ST6GALNAC3: variants seen among roughly 807,000 people sequenced by gnomAD.
ST6GALNAC3 encodes the protein alpha-N-acetylgalactosaminide alpha-2,6-sialyltransferase 3.
Under a neutral mutation model 32.7 loss-of-function variants are expected in ST6GALNAC3, and 25 were observed. The observed-to-expected ratio is 0.76, with a 90% confidence interval of 0.56 to 1.07. The LOEUF is 1.07. Among genes scored for constraint, ST6GALNAC3 ranks in the 50% least tolerant of loss-of-function variants. The pLI, the probability that ST6GALNAC3 is intolerant of heterozygous loss-of-function variation, is 0.00. For synonymous variants in ST6GALNAC3, 129 were observed against 133.1 expected (o/e 0.97, Z 0.21); for missense variants, 355 against 382.4 (o/e 0.93, Z 0.60).
At chr1:76,392,014 T>C (rs564198944) in intron 2 of ST6GALNAC3, among the ~76,000 whole-genome samples, 12 of 152,360 alleles carry the variant, frequency 7.9e-5, no homozygotes, top group African/African-American at 2.6e-4. Flanking sequence ...CTTAGCACTA[T>C]TGACATTTTG....
chr1:76,411,105 G>C (rs1654205607), intron 2 of ST6GALNAC3, among the ~76,000 whole-genome samples: 1 of 152,134 alleles, frequency 6.6e-6, no homozygotes, highest in Non-Finnish European at 1.5e-5. Context: ...TTAAAAGAAA[G>C]GGTGACTATG....
At chr1:76,164,490 GT>G (rs1652004046) in intron 1 of ST6GALNAC3, among the ~76,000 whole-genome samples, 1 of 152,046 alleles carries the variant, frequency 6.6e-6, no homozygotes, top group African/African-American at 2.4e-5. Context: ...AAAATACTCT[GT>G]TTTTTACATT....
intron 1 of ST6GALNAC3, among the ~76,000 whole-genome samples, chr1:76,125,803 A>C (rs1445479950): frequency 1.3e-5 from 2 of 152,110 alleles, no homozygotes; most frequent in East Asian, 1.9e-4. Flanking sequence ...GATCTCCTTC[A>C]TCCTGATGCA....
chr1:76,464,049 C>T (rs1033119969), intron 3 of ST6GALNAC3, among the ~76,000 whole-genome samples: 1 of 152,072 alleles, frequency 6.6e-6, no homozygotes, highest in Non-Finnish European at 1.5e-5. Context: ...CCTAGCTTGC[C>T]CTCCTTTCCC....
intron 1 of ST6GALNAC3, among the ~76,000 whole-genome samples, chr1:76,082,896 T>G (rs1290828653): frequency 6.6e-6 from 1 of 151,900 alleles, no homozygotes; most frequent in Admixed American, 6.6e-5. Context: ...TTTAAAGGTG[T>G]GTTTCTCTGT....
chr1:76,282,875 A>C (rs1277564865), intron 1 of ST6GALNAC3, among the ~76,000 whole-genome samples: 1 of 151,572 alleles, frequency 6.6e-6, no homozygotes, highest in Non-Finnish European at 1.5e-5. Context: ...CTAAAAAAAA[A>C]AAAAAATTCA....
chr1:76,592,877 C>G (rs1647070579), intron 3 of ST6GALNAC3, among the ~76,000 whole-genome samples: 1 of 152,150 alleles, frequency 6.6e-6, no homozygotes, highest in African/African-American at 2.4e-5. Context: ...CCTTACATAA[C>G]TTGGAATGGT....
chr1:76,141,074 G>A (rs902726066), intron 1 of ST6GALNAC3, among the ~76,000 whole-genome samples: 1 of 152,070 alleles, frequency 6.6e-6, no homozygotes, highest in Non-Finnish European at 1.5e-5. Context: ...TGGAGACTTG[G>A]TTTCCATGCA....
chr1:76,483,732 C>T (rs948078037), intron 3 of ST6GALNAC3, among the ~76,000 whole-genome samples: 4 of 152,088 alleles, frequency 2.6e-5, no homozygotes, highest in Non-Finnish European at 5.9e-5. Context: ...TTAATTAGAT[C>T]CTATTTGTCA....
chr1:76,389,313 A>G (rs1230741529), intron 2 of ST6GALNAC3, among the ~76,000 whole-genome samples: 1 of 152,144 alleles, frequency 6.6e-6, no homozygotes, highest in Non-Finnish European at 1.5e-5. Flanking sequence ...AAATGTAAAG[A>G]AATTAAGTGT....
At chr1:76,389,333 C>G (rs1205254022) in intron 2 of ST6GALNAC3, among the ~76,000 whole-genome samples, 1 of 152,118 alleles carries the variant, frequency 6.6e-6, no homozygotes, top group African/African-American at 2.4e-5. Flanking sequence ...TGGAGGCTGA[C>G]CATGACTGAG....
chr1:76,435,851 C>CT (rs1278876933), intron 3 of ST6GALNAC3, among the ~76,000 whole-genome samples: 1 of 120,118 alleles, frequency 8.3e-6, no homozygotes, highest in South Asian at 2.5e-4. Context: ...TCAATCTTTT[C>CT]TTTTTTTATT....
At chr1:76,443,461 C>G (rs371521349) in intron 3 of ST6GALNAC3, among the ~76,000 whole-genome samples, 1 of 152,200 alleles carries the variant, frequency 6.6e-6, no homozygotes, top group Non-Finnish European at 1.5e-5. Context: ...AGGACGCTAT[C>G]GGTTCATTCA....
chr1:76,414,327 G>A (rs1346590969), intron 3 of ST6GALNAC3, among the ~76,000 whole-genome samples: 1 of 152,044 alleles, frequency 6.6e-6, no homozygotes, highest in African/African-American at 2.4e-5. Context: ...GTCTATTTCT[G>A]TCTGGTTGCT....
intron 2 of ST6GALNAC3, among the ~76,000 whole-genome samples, chr1:76,411,195 CTTAGAG>C (rs1458718122): frequency 6.6e-6 from 1 of 152,102 alleles, no homozygotes; most frequent in Non-Finnish European, 1.5e-5. Flanking sequence ...GGGCAGTGGG[CTTAGAG>C]TTAGACGATC....
chr1:76,536,654 C>CA lies in ST6GALNAC3; in HGVS notation c.624-90776dup, dbSNP rs35157329. ...CCATATCACATGGTGAAATGGAAAG[C>CA]AAAAAAAAAAAAAAAAAAAAAAGCA... is the stretch of plus-strand genomic sequence containing the variant. On this transcript the variant is annotated intron_variant, in intron 3 of 4. Coordinates refer to ENST00000328299, the MANE Select transcript of ST6GALNAC3 (RefSeq NM_152996.4). 7.2e-3 allele frequency among the ~76,000 whole-genome samples: 414 copies of CA among 57,592 alleles called. 6 individuals are homozygous for CA. The highest frequency in any genetic ancestry group is 0.018 in the African/African-American group (290 of 15,796). 37.8% of individuals were successfully genotyped at this position (57,592 alleles called of 152,430 possible).
intron 3 of ST6GALNAC3, among the ~76,000 whole-genome samples, chr1:76,414,776 G>C (rs1178293314): frequency 6.6e-6 from 1 of 151,862 alleles, no homozygotes; most frequent in Non-Finnish European, 1.5e-5. Flanking sequence ...AAATATTTTG[G>C]TGTATACCTC....
intron 3 of ST6GALNAC3, among the ~76,000 whole-genome samples, chr1:76,420,238 T>C (rs1185079357): frequency 6.6e-6 from 1 of 152,106 alleles, no homozygotes; most frequent in Non-Finnish European, 1.5e-5. Flanking sequence ...GATGGCACTT[T>C]GAATTATGCT....
intron 3 of ST6GALNAC3, among the ~76,000 whole-genome samples, chr1:76,521,036 A>T (rs2101789639): frequency 1.3e-5 from 2 of 152,086 alleles, no homozygotes; most frequent in Middle Eastern, 3.4e-3. Flanking sequence ...GTCATTCAAT[A>T]GTTTATTATC....
Sources: gnomAD v4.1 joint callset for allele counts (sites outside exome capture counted in the v4.1 genomes callset) on GRCh38, gnomAD v4.1.1 for gene constraint, MANE v1.5 for transcripts, NCBI Gene and HGNC (gene_info 2026-07-23, HGNC 2026-07-21) for gene names.